The following GFRA1 variants were observed in gnomAD, a reference collection of about 807,000 sequenced individuals.
GFRA1 encodes GDNF family receptor alpha 1, also known as GDNF family receptor alpha-1.
A neutral mutation model predicts 51.6 loss-of-function variants in GFRA1; 16 were observed. The observed-to-expected ratio is 0.31, with a 90% CI of 0.21 to 0.47. The LOEUF (loss-of-function observed/expected upper bound fraction) is 0.47, where lower values mean the gene tolerates loss of function less well. Ranked by LOEUF, GFRA1 falls within the 20% of genes least tolerant of loss-of-function variation. GFRA1 has a pLI of 1.00. For missense variants in GFRA1, 530 were observed against 594.3 expected (o/e 0.89, Z 1.13); for synonymous variants, 270 against 241.3 (o/e 1.12, Z -1.10).
At chr10:116,238,529 G>C (rs1967088228) in intron 4 of GFRA1, among the ~76,000 whole-genome samples, 1 of 152,142 alleles carries the variant, frequency 6.6e-6, no homozygotes, top group Non-Finnish European at 1.5e-5. Context: ...GGAATTTCTA[G>C]AGAACAAGGG....
In GFRA1 at chr10:116,062,861, T is replaced by C. The variant is rs1057178239; in HGVS notation, c.*1537A>G. 2 of 152,208 alleles carry C rather than the reference T, an allele frequency of 1.3e-5. No homozygotes were observed. Among genetic ancestry groups the C allele is most frequent in the African/African-American group, 4.8e-5 (2 of 41,458 alleles). The allele number at this position is 152,208 out of a possible 1,614,324, so 9.4% of individuals were successfully genotyped here. ...AAGTGGTTAGCAAAGCCAGATGCCT[T>C]ATCACCAGGGTCCTGTTCTGCTGAT... On this transcript the variant is annotated 3_prime_UTR_variant, in exon 11 of 11. Coordinates refer to ENST00000355422, the MANE Select transcript of GFRA1 (RefSeq NM_005264.8).
In GFRA1 at chr10:116,058,034, GTGTGTGTGAC is replaced by G; in HGVS notation, c.*6354_*6363del. The G allele has an allele frequency of 7.2e-6, 1 of 138,182 alleles. No individual in the cohort carries two copies. Among genetic ancestry groups the G allele is most frequent in the Non-Finnish European group, 1.5e-5 (1 of 67,282 alleles). The allele number at this position is 138,182 out of a possible 1,614,324, so 8.6% of individuals were successfully genotyped here. A position where few individuals can be genotyped will look rare whatever the true frequency, so the allele number is the denominator to read the frequency against. On this transcript the variant is annotated 3_prime_UTR_variant, in exon 11 of 11. Transcript: ENST00000355422. ...TGTGTGTGTGTGTGTGTGTGTGTGT[GTGTGTGTGAC>G]AGAGAGAACCACGCTTTATTGGCGG... is the stretch of plus-strand genomic sequence containing the variant.
chr10:116,269,782 C>T (rs571345054), intron 3 of GFRA1, among the ~76,000 whole-genome samples, 196 bp from the exon 4 acceptor site: 20 of 152,078 alleles, frequency 1.3e-4, no homozygotes, highest in Non-Finnish European at 2.5e-4. Flanking sequence ...CTTGTTCTCC[C>T]CAGAGTGCCA....
rs545658237 is a variant in GFRA1, at chr10:116,196,493, A to T, written c.433+15138T>A. ...GATGGTGCGAGACTCTGTCTCAAAAAATATATATATATAATATATATTTAT... is the reference window on the plus strand; with the variant it reads ...GATGGTGCGAGACTCTGTCTCAAAATATATATATATATAATATATATTTAT... On this transcript the variant is annotated intron_variant, in intron 5 of 10. Coordinates refer to ENST00000355422, the MANE Select transcript of GFRA1 (RefSeq NM_005264.8). Among the ~76,000 whole-genome samples the T allele has an allele frequency of 1.1e-4, 15 of 140,396 alleles. No homozygotes were observed. In the South Asian group the frequency reaches 2.2e-3, roughly 21 times the overall value. The allele number at this position is 140,396 out of a possible 152,430, so 92.1% of individuals were successfully genotyped here. A position where few individuals can be genotyped will look rare whatever the true frequency, so the allele number is the denominator to read the frequency against.
At chr10:116,073,326 AG>A (rs1197503600) in intron 9 of GFRA1, among the ~76,000 whole-genome samples, 3 of 152,176 alleles carry the variant, frequency 2.0e-5, no homozygotes, top group Admixed American at 1.3e-4. Context: ...ATACCTTCAC[AG>A]GATCACCTTA....
chr10:116,237,995 A>G (rs573042070), intron 4 of GFRA1, among the ~76,000 whole-genome samples: 1 of 152,272 alleles, frequency 6.6e-6, no homozygotes, highest in Admixed American at 6.5e-5. Context: ...GGGGGCTTGC[A>G]GCACAGCTCT....
At chr10:116,072,728 TC>T (rs1955457399) in intron 9 of GFRA1, among the ~76,000 whole-genome samples, 1 of 152,014 alleles carries the variant, frequency 6.6e-6, no homozygotes, top group African/African-American at 2.4e-5. Context: ...ACCACTGCAC[TC>T]CAGCCTGGGT....
chr10:116,181,470 C>A (rs10787634), intron 5 of GFRA1, among the ~76,000 whole-genome samples: 1 of 152,034 alleles, frequency 6.6e-6, no homozygotes, highest in Non-Finnish European at 1.5e-5. Flanking sequence ...ATCTCAACAC[C>A]TGTCCTCATG....
intron 5 of GFRA1, among the ~76,000 whole-genome samples, chr10:116,203,014 C>A (rs530749299): frequency 6.6e-6 from 1 of 152,010 alleles, no homozygotes; most frequent in South Asian, 2.1e-4. Flanking sequence ...TCTGGCCAAG[C>A]CTTATGGAGA....
At chr10:116,273,673 C>G (rs61864773), upstream of GFRA1, among the ~76,000 whole-genome samples, 7 of 6,508 alleles carry the variant, frequency 1.1e-3, no homozygotes, top group Non-Finnish European at 0.025. Context: ...CTCTCTCTGT[C>G]TCTCTCTCTC....
chr10:116,071,234 G>A (rs1273038099), intron 9 of GFRA1, among the ~76,000 whole-genome samples: 1 of 152,148 alleles, frequency 6.6e-6, no homozygotes. Context: ...CACTGAGCCT[G>A]GGACTGTCTG....
At chr10:116,260,518 G>T (rs1244092825) in intron 4 of GFRA1, among the ~76,000 whole-genome samples, 1 of 152,130 alleles carries the variant, frequency 6.6e-6, no homozygotes, top group Admixed American at 6.6e-5. Context: ...GAGCTATCCT[G>T]AGTCATTTTT....
At chr10:116,255,111 G>C (rs931967445) in intron 4 of GFRA1, among the ~76,000 whole-genome samples, 1 of 152,164 alleles carries the variant, frequency 6.6e-6, no homozygotes, top group Admixed American at 6.5e-5. Context: ...CACCATGAGA[G>C]GAAAGAAAAC....
chr10:116,226,888 C>T (rs1042465617), intron 4 of GFRA1: 2 of 191,924 alleles, frequency 1.0e-5, no homozygotes, highest in African/African-American at 4.6e-5. Context: ...GTGCAGTTCA[C>T]AAAAGGGTTC....
intron 5 of GFRA1, among the ~76,000 whole-genome samples, chr10:116,206,124 A>T (rs1387653998): frequency 2.0e-5 from 3 of 152,176 alleles, no homozygotes; most frequent in Non-Finnish European, 4.4e-5. Context: ...CCACCATAAA[A>T]GTGTTCACGC....
Position 116,064,242 on chromosome 10 carries a change from A to G in GFRA1, c.*156T>C. 1 of 661,562 alleles carries G rather than the reference A, an allele frequency of 1.5e-6. No homozygotes were observed. Among genetic ancestry groups the G allele is most frequent in the South Asian group, 1.9e-5 (1 of 52,962 alleles). 41.0% of individuals were successfully genotyped at this position (661,562 alleles called of 1,614,324 possible). ...ACAGAAGCCCCAAAGGATCACAAGA[A>G]GCTTTCTTAAAAGGAAAAAAAAAAA... On this transcript the variant is annotated 3_prime_UTR_variant, in exon 11 of 11. Coordinates refer to ENST00000355422, the MANE Select transcript of GFRA1 (RefSeq NM_005264.8).
In GFRA1 at chr10:116,101,547, T is replaced by TATA. The variant is rs1179389071; in HGVS notation, c.771-4786_771-4784dup. ...CGCTGCTAATTGGAAATAGAAAAAT[T>TATA]ATAATAATAATAATATCTAGGAGAA... On this transcript the variant is annotated intron_variant, in intron 6 of 10. Transcript: ENST00000355422. Among the ~76,000 whole-genome samples the TATA allele has an allele frequency of 2.0e-5, 3 of 151,968 alleles. No individual in the cohort carries two copies. The South Asian group carries it at 6.2e-4, about 32-fold the overall frequency.
rs139563866 is a variant in GFRA1, at chr10:116,225,869, G to A, written c.419-14224C>T. Among the ~76,000 whole-genome samples the A allele has an allele frequency of 7.2e-3, 1,090 of 152,264 alleles. 5 individuals are homozygous for A. The highest frequency in any genetic ancestry group is 0.01 in the Admixed American group (160 of 15,296). On this transcript the variant is annotated intron_variant, in intron 4 of 10. Coordinates refer to ENST00000355422, the MANE Select transcript of GFRA1 (RefSeq NM_005264.8). ...CTCCCAAAGTGCTGGGATTACAGGC[G>A]TGAGTCACTGTACCCGACTGAAATT...
intron 5 of GFRA1, among the ~76,000 whole-genome samples, chr10:116,133,610 G>T (rs1196912514): frequency 6.6e-6 from 1 of 152,168 alleles, no homozygotes; most frequent in Non-Finnish European, 1.5e-5. Context: ...TTGATTTGAT[G>T]GTTCTAATGT....
Sources: allele counts gnomAD v4.1 joint callset (sites outside exome capture counted in the v4.1 genomes callset), GRCh38; gene constraint gnomAD v4.1.1; transcripts MANE v1.5; gene names NCBI Gene and HGNC (gene_info 2026-07-23, HGNC 2026-07-21).